Variants in RNF150 observed in about 807,000 individuals in gnomAD.
RNF150 encodes ring finger protein 150.
In RNF150, 24 loss-of-function variants were observed where a neutral mutation model predicts 39.3. The ratio of observed to expected loss-of-function variants is 0.61; its 90% confidence interval spans 0.44 to 0.86. The LOEUF is 0.86. Ranked by LOEUF, RNF150 falls within the 40% of genes least tolerant of loss-of-function variation. The pLI is 0.00. For missense variants in RNF150, 502 were observed against 587.8 expected (o/e 0.85, Z 1.51); for synonymous variants, 255 against 227.3 (o/e 1.12, Z -1.10).
At chr4:141,011,517 G>A (rs1341702409) in intron 1 of RNF150, among the ~76,000 whole-genome samples, 2 of 152,182 alleles carry the variant, frequency 1.3e-5, no homozygotes, top group African/African-American at 4.8e-5. Context: ...TATAGCTCCT[G>A]TCCAGACAAC....
intron 1 of RNF150, among the ~76,000 whole-genome samples, chr4:141,128,422 G>A (rs1290350988): frequency 6.6e-6 from 1 of 152,138 alleles, no homozygotes; most frequent in East Asian, 1.9e-4. Flanking sequence ...TGGCTCTAGA[G>A]GCTACACTCC....
At chr4:140,951,604 G>A (rs1732544068) in intron 2 of RNF150, among the ~76,000 whole-genome samples, 1 of 151,584 alleles carries the variant, frequency 6.6e-6, no homozygotes, top group Non-Finnish European at 1.5e-5. Flanking sequence ...CCAGTTAACG[G>A]GAATATTTAG....
chr4:140,861,583 A>T lies in RNF150; in HGVS notation c.*6678T>A, dbSNP rs1307028668. 2 of 152,230 alleles carry T rather than the reference A, an allele frequency of 1.3e-5. No homozygotes were observed. Among genetic ancestry groups the T allele is most frequent in the Non-Finnish European group, 2.9e-5 (2 of 68,048 alleles). 9.4% of individuals were successfully genotyped at this position (152,230 alleles called of 1,614,324 possible). ...TCCTTGCAATAACATCCTACTGAAC[A>T]GTAAGTACCATGGATGCCAACACAA... is the stretch of plus-strand genomic sequence containing the variant. On this transcript the variant is annotated 3_prime_UTR_variant, in exon 7 of 7. Coordinates refer to ENST00000515673, the MANE Select transcript of RNF150 (RefSeq NM_020724.2).
chr4:140,973,821 G>A (rs1245254466), intron 1 of RNF150, among the ~76,000 whole-genome samples: 1 of 146,212 alleles, frequency 6.8e-6, no homozygotes, highest in Non-Finnish European at 1.5e-5. Context: ...AGGTTGCAGT[G>A]AGCCAAGATC....
In RNF150 at chr4:140,862,419, T is replaced by C. The variant is rs1232791108; in HGVS notation, c.*5842A>G. On this transcript the variant is annotated 3_prime_UTR_variant, in exon 7 of 7. Coordinates refer to ENST00000515673, the MANE Select transcript of RNF150 (RefSeq NM_020724.2). ...CACTCAAGGCAGGTGAAGAGAGATGTGACTGACCTTAGCAGGTTCTTGTAG... is the reference window on the plus strand; with the variant it reads ...CACTCAAGGCAGGTGAAGAGAGATGCGACTGACCTTAGCAGGTTCTTGTAG... 1.3e-5 allele frequency: 2 copies of C among 152,190 alleles called. No individual in the cohort carries two copies. Among genetic ancestry groups the C allele is most frequent in the Non-Finnish European group, 2.9e-5 (2 of 68,038 alleles). 9.4% of individuals were successfully genotyped at this position (152,190 alleles called of 1,614,324 possible). A position where few individuals can be genotyped will look rare whatever the true frequency, so the allele number is the denominator to read the frequency against.
intron 4 of RNF150, among the ~76,000 whole-genome samples, chr4:140,932,766 C>T (rs1165126718): frequency 1.3e-5 from 2 of 152,200 alleles, no homozygotes; most frequent in Non-Finnish European, 2.9e-5. Context: ...CTGGTGGTGG[C>T]TATGGCCATG....
rs1284302177 is a variant in RNF150, at chr4:141,102,103, G to T, written c.484+30222C>A. 2.6e-5 allele frequency among the ~76,000 whole-genome samples: 4 copies of T among 152,072 alleles called. No homozygotes were observed. In the East Asian group the frequency reaches 7.7e-4, roughly 29 times the overall value. On this transcript the variant is annotated intron_variant, in intron 1 of 6. Transcript: ENST00000515673. ...AGCCAGCTCCGTTATAATCTTATGGGACCACCATTATATATGTGGTTTTTC... is the reference window on the plus strand; with the variant it reads ...AGCCAGCTCCGTTATAATCTTATGGTACCACCATTATATATGTGGTTTTTC...
chr4:141,170,077 A>G (rs1036938446), intron 1 of RNF150, among the ~76,000 whole-genome samples: 5 of 152,232 alleles, frequency 3.3e-5, no homozygotes, highest in Non-Finnish European at 7.3e-5. Context: ...CACTGCTCGT[A>G]TAATTAAGAT....
chr4:141,094,826 T>C, intron 1 of RNF150, among the ~76,000 whole-genome samples: 1 of 152,238 alleles, frequency 6.6e-6, no homozygotes, highest in East Asian at 1.9e-4. Flanking sequence ...CAAGCATTGG[T>C]AAACATATGT....
intron 5 of RNF150, among the ~76,000 whole-genome samples, chr4:140,913,143 C>G: frequency 6.6e-6 from 1 of 152,076 alleles, no homozygotes; most frequent in Non-Finnish European, 1.5e-5. Flanking sequence ...CACCTGTAGT[C>G]CCAGCTACTG....
intron 1 of RNF150, among the ~76,000 whole-genome samples, chr4:141,118,351 T>C (rs574916637): frequency 2.0e-5 from 3 of 152,192 alleles, no homozygotes; most frequent in Non-Finnish European, 4.4e-5. Flanking sequence ...CAGGTTTTTC[T>C]GAGGCTGGAG....
chr4:140,876,334 T>C (rs1424525853), intron 6 of RNF150, among the ~76,000 whole-genome samples: 3 of 152,270 alleles, frequency 2.0e-5, no homozygotes, highest in African/African-American at 4.8e-5. Flanking sequence ...AGTGTCTATA[T>C]AGCCTGTCAT....
chr4:141,078,581 A>G (rs1737998231), intron 1 of RNF150, among the ~76,000 whole-genome samples: 1 of 151,564 alleles, frequency 6.6e-6, no homozygotes, highest in East Asian at 1.9e-4. Flanking sequence ...CAGGAGATAG[A>G]CCATCCTGGC....
chr4:141,205,347 G>C (rs1043485780), intron 1 of RNF150, among the ~76,000 whole-genome samples: 4 of 152,070 alleles, frequency 2.6e-5, no homozygotes, highest in African/African-American at 9.7e-5. Context: ...ATTCTTTCAG[G>C]CTATTATAAA....
At chr4:140,872,157 C>T (rs185997490) in intron 6 of RNF150, among the ~76,000 whole-genome samples, 5 of 152,258 alleles carry the variant, frequency 3.3e-5, no homozygotes, top group East Asian at 1.9e-4. Flanking sequence ...TACAATAATA[C>T]GAATGAAAAC....
At chr4:141,179,343 T>C (rs1295827938) in intron 1 of RNF150, among the ~76,000 whole-genome samples, 1 of 152,260 alleles carries the variant, frequency 6.6e-6, no homozygotes, top group Non-Finnish European at 1.5e-5. Flanking sequence ...AGGTTGTGTT[T>C]CATACTTCGT....
intron 6 of RNF150, among the ~76,000 whole-genome samples, chr4:140,902,024 T>A (rs531738680): frequency 6.6e-6 from 1 of 152,284 alleles, no homozygotes; most frequent in African/African-American, 2.4e-5. Flanking sequence ...CAGATGGAGA[T>A]TGTAACCCAT....
chr4:141,006,606 T>C (rs1734882687), intron 1 of RNF150, among the ~76,000 whole-genome samples: 1 of 152,210 alleles, frequency 6.6e-6, no homozygotes, highest in Non-Finnish European at 1.5e-5. Context: ...AATCTGAAGT[T>C]GTGGCACTGC....
At chr4:140,999,251 G>A (rs752737135) in intron 1 of RNF150, among the ~76,000 whole-genome samples, 19 of 152,162 alleles carry the variant, frequency 1.2e-4, no homozygotes, top group Non-Finnish European at 1.9e-4. Context: ...ACTAAAACAC[G>A]CATTTCTCCA....
Sources: allele counts gnomAD v4.1 joint callset (sites outside exome capture counted in the v4.1 genomes callset), GRCh38; gene constraint gnomAD v4.1.1; transcripts MANE v1.5; gene names NCBI Gene and HGNC (gene_info 2026-07-23, HGNC 2026-07-21).